The following TRDMT1 variants were observed in gnomAD, a reference collection of about 807,000 sequenced individuals.
TRDMT1 encodes tRNA aspartic acid methyltransferase 1.
A neutral mutation model predicts 51.2 loss-of-function variants in TRDMT1; 49 were observed. The ratio of observed to expected loss-of-function variants is 0.96; its 90% CI spans 0.76 to 1.21. The LOEUF (loss-of-function observed/expected upper bound fraction) is 1.21. TRDMT1 is among the 50% of genes most tolerant of loss of function. The pLI, the probability that TRDMT1 is intolerant of heterozygous loss-of-function variation, is 0.00. For synonymous variants in TRDMT1, 187 were observed against 164.6 expected, an observed-to-expected ratio of 1.14 and a Z score of -1.04; for missense variants, 534 against 462.3, an observed-to-expected ratio of 1.16 and a Z score of -1.42.
intron 2 of TRDMT1, chr10:17,169,364 C>T (rs1841656185): frequency 8.1e-7 from 1 of 1,236,058 alleles, no homozygotes; most frequent in Non-Finnish European, 1.0e-6. Context: ...GTCACCATCC[C>T]TTTCATATAC....
intron 1 of TRDMT1, among the ~76,000 whole-genome samples, chr10:17,197,847 A>G (rs2131634493): frequency 6.6e-6 from 1 of 152,312 alleles, no homozygotes; most frequent in South Asian, 2.1e-4. Flanking sequence ...AGCCTGGCCA[A>G]CATGGTGAAA....
In TRDMT1 at chr10:17,146,895, G is replaced by C; in HGVS notation, c.*2145C>G. On this transcript the variant is annotated 3_prime_UTR_variant, in exon 11 of 11. Transcript: ENST00000377799. ...GGTAGATACATCTTCATTAAGATGT[G>C]AGTTTTATGCTTGTTACTGCATATT... 1 of 981,552 alleles carries C rather than the reference G, an allele frequency of 1.0e-6. No homozygotes were observed. The highest frequency in any genetic ancestry group is 1.2e-6 in the Non-Finnish European group (1 of 828,216). The allele number at this position is 981,552 out of a possible 1,614,324, so 60.8% of individuals were successfully genotyped here. A position where few individuals can be genotyped will look rare whatever the true frequency, so the allele number is the denominator to read the frequency against.
chr10:17,168,726 T>C (rs1841554918), intron 3 of TRDMT1, 115 bp downstream of exon 3: 2 of 689,728 alleles, frequency 2.9e-6, no homozygotes, highest in South Asian at 2.0e-5. Context: ...CCTAGCCACA[T>C]GGAACTGTAA....
At chr10:17,177,164 T>G (rs1460976178) in intron 1 of TRDMT1, among the ~76,000 whole-genome samples, 1 of 117,288 alleles carries the variant, frequency 8.5e-6, no homozygotes, top group African/African-American at 3.1e-5. Context: ...ATATCCTACT[T>G]AGAGAAACAC....
rs564590142 is a variant in TRDMT1, at chr10:17,140,426, C to A, written c.*8614G>T. On this transcript the variant is annotated 3_prime_UTR_variant, in exon 11 of 11. Coordinates refer to ENST00000377799, the MANE Select transcript of TRDMT1 (RefSeq NM_004412.7). ...CATGAAAGAACCTACAATTCTATTA[C>A]CATACTCAGCATACTCATATCTAAG... is the stretch of plus-strand genomic sequence containing the variant. Among the ~76,000 whole-genome samples, 2 of 152,204 alleles carry A rather than the reference C, an allele frequency of 1.3e-5. No individual in the cohort carries two copies. The highest frequency in any genetic ancestry group is 2.4e-5 in the African/African-American group (1 of 41,508).
At chr10:17,150,955 G>C (rs1838620556) in intron 10 of TRDMT1, 7 of 985,080 alleles carry the variant, frequency 7.1e-6, no homozygotes, top group African/African-American at 1.7e-5. Flanking sequence ...GGAAAGAAAG[G>C]TTTGAAAACA....
At chr10:17,155,429 A>T (rs1008730461) in intron 8 of TRDMT1, among the ~76,000 whole-genome samples, 11 of 152,168 alleles carry the variant, frequency 7.2e-5, no homozygotes, top group Non-Finnish European at 1.3e-4. Flanking sequence ...TGTACAGGTG[A>T]AAAGAAATTG....
chr10:17,195,320 G>A (rs1446004851), intron 1 of TRDMT1, among the ~76,000 whole-genome samples: 1 of 152,154 alleles, frequency 6.6e-6, no homozygotes, highest in East Asian at 1.9e-4. Context: ...GGATGCATCT[G>A]GAGGCCATTA....
rs1839963987 is a variant in TRDMT1 at position 17,159,194 on chromosome 10, A to G, written c.495T>C (p.Leu165=). ...GIPNSRLRYF[L]IAKLQSEPLP... ...ATGGCTCTGACTGAAGCTTTGCAAT[A>G]AGAAAATATCGTAGCCTTGAATTTG... The change falls in exon 7 of 11, where the codon CTT becomes CTC. Residue 165 remains leucine (L), a synonymous_variant. Transcript: ENST00000377799. 1.2e-6 allele frequency: 2 copies of G among 1,603,586 alleles called. No homozygotes were observed. Among genetic ancestry groups the G allele is most frequent in the Admixed American group, 1.7e-5 (1 of 58,774 alleles).
intron 1 of TRDMT1, among the ~76,000 whole-genome samples, chr10:17,181,195 T>C (rs935429199): frequency 7.9e-5 from 12 of 151,910 alleles, no homozygotes; most frequent in Non-Finnish European, 1.5e-4. Context: ...TCTCAGAGAG[T>C]GTTCTATAAA....
At position 17,189,607 on chromosome 10, in the gene TRDMT1, CA is replaced by C. The variant is rs377478544; in HGVS notation, c.64+11963del. Among the ~76,000 whole-genome samples the C allele has an allele frequency of 2.0e-4, 30 of 152,144 alleles. 1 individual carries two copies. Among genetic ancestry groups the C allele is most frequent in the Middle Eastern group, 3.4e-3 (1 of 294 alleles). On this transcript the variant is annotated intron_variant, in intron 1 of 10. Transcript: ENST00000377799. ...ATAACACAAAAATAAATTGAGAACACAAGAAAAACATCCATTCTGAAGAAGC... is the reference window on the plus strand; with the variant it reads ...ATAACACAAAAATAAATTGAGAACACAGAAAAACATCCATTCTGAAGAAGC...
chr10:17,165,394 T>G (rs564071549), intron 3 of TRDMT1, among the ~76,000 whole-genome samples: 271 of 152,338 alleles, frequency 1.8e-3, no homozygotes, highest in African/African-American at 6.2e-3. Flanking sequence ...GACTTAAATG[T>G]TAGACCTAAA....
At chr10:17,177,051 C>T (rs1006749440) in intron 1 of TRDMT1, among the ~76,000 whole-genome samples, 2 of 151,398 alleles carry the variant, frequency 1.3e-5, no homozygotes, top group Non-Finnish European at 2.9e-5. Context: ...GTTTTCAGTA[C>T]TTTGATGTAT....
chr10:17,187,447 A>G (rs1255287109), intron 1 of TRDMT1, among the ~76,000 whole-genome samples: 1 of 152,210 alleles, frequency 6.6e-6, no homozygotes, highest in African/African-American at 2.4e-5. Flanking sequence ...ACAATCATCA[A>G]CAACCTTTAA....
At chr10:17,161,584 T>C (rs894141208) in intron 4 of TRDMT1, 36 bp from the exon 5 acceptor site, 9 of 1,075,126 alleles carry the variant, frequency 8.4e-6, no homozygotes, top group African/African-American at 1.6e-5. Flanking sequence ...TCTAAATATC[T>C]CATTACTAAG....
At chr10:17,173,813 G>A (rs1842330352) in intron 2 of TRDMT1, among the ~76,000 whole-genome samples, 2 of 146,592 alleles carry the variant, frequency 1.4e-5, no homozygotes, top group African/African-American at 5.0e-5. Context: ...CGACCAGGCT[G>A]GAGTGCAGTG....
At chr10:17,192,708 C>T (rs186113000) in intron 1 of TRDMT1, among the ~76,000 whole-genome samples, 1 of 152,286 alleles carries the variant, frequency 6.6e-6, no homozygotes, top group East Asian at 1.9e-4. Context: ...AAACCTGATA[C>T]ATTTCACGTG....
rs553203010 is a variant in TRDMT1 at position 17,141,292 on chromosome 10, GCTGGGACTACA to G, written c.*7737_*7747del. Among the ~76,000 whole-genome samples the G allele has an allele frequency of 4.6e-5, 7 of 152,280 alleles. No individual in the cohort carries two copies. In the South Asian group the frequency reaches 1.5e-3, roughly 32 times the overall value. On this transcript the variant is annotated 3_prime_UTR_variant, in exon 11 of 11. Transcript: ENST00000377799. ...TTCCCCTGCCTCAGCCTCCCGAGTA[GCTGGGACTACA>G]GGCATGCACCACCATGCCCGGCTAA...
intron 7 of TRDMT1, 93 bp from the exon 8 acceptor site, chr10:17,157,877 A>C: frequency 8.7e-5 from 78 of 901,350 alleles, no homozygotes; most frequent in Non-Finnish European, 1.1e-4. Flanking sequence ...AAACAACCTC[A>C]TTAGCCTTTA....
Sources: allele counts gnomAD v4.1 joint callset (sites outside exome capture counted in the v4.1 genomes callset), GRCh38; gene constraint gnomAD v4.1.1; transcripts MANE v1.5; gene names NCBI Gene and HGNC (gene_info 2026-07-23, HGNC 2026-07-21).